LTK: variants seen among roughly 807,000 people sequenced by gnomAD.
The protein encoded by LTK is leukocyte receptor tyrosine kinase.
Under a neutral mutation model 101.5 loss-of-function variants are expected in LTK, and 117 were observed. The ratio of observed to expected loss-of-function variants is 1.15; its 90% CI spans 0.99 to 1.34. The LOEUF is 1.34. Among genes scored for constraint, LTK ranks in the 40% most tolerant of loss-of-function variants. LTK has a pLI of 0.00. For missense variants in LTK, 1,252 were observed against 1,164.7 expected (o/e 1.07, Z -1.09); for synonymous variants, 563 against 494.2 (o/e 1.14, Z -1.85).
Position 41,504,333 on chromosome 15 carries a change from G to A in LTK, c.2346+9C>T. 6.2e-7 allele frequency: 1 copy of A among 1,613,998 alleles called. No homozygotes were observed. Among genetic ancestry groups the A allele is most frequent in the Non-Finnish European group, 8.5e-7 (1 of 1,179,956 alleles). ...AAGACCAGGATGTTAGATTAGGTCGGGGGCACACCTGAGTGCAGTACTGCA... is the reference window on the plus strand; with the variant it reads ...AAGACCAGGATGTTAGATTAGGTCGAGGGCACACCTGAGTGCAGTACTGCA... On this transcript the variant is annotated intron_variant, in intron 19 of 19. Transcript: ENST00000263800.
rs1366893186 is a variant in LTK, at chr15:41,511,227, C to T, written c.934G>A (p.Ala312Thr). Residue 312 changes from alanine (A) to threonine (T), a missense_variant, in exon 7 of 20, where the codon GCC becomes ACC. By Grantham distance (58) the Ala-to-Thr change is moderately conservative. Transcript: ENST00000263800. This position sits in a 1 kb window ranked among gnomAD's most constrained non-coding sequence, Gnocchi z 5.9. The stretch of plus-strand genomic sequence containing the variant: ...CCGCCGCCGCCCCCGAAGCCGCCGG[C>T]CGCGGCCCAGCCAAGGGTCGCCCAA... ...EAWATLGWAA[A>T]GGFGGGGGAC... 1 of 1,402,434 alleles carries T rather than the reference C, an allele frequency of 7.1e-7. No individual in the cohort carries two copies. Among genetic ancestry groups the T allele is most frequent in the Non-Finnish European group, 9.2e-7 (1 of 1,082,280 alleles). The allele number at this position is 1,402,434 out of a possible 1,614,324, so 86.9% of individuals were successfully genotyped here.
At chr15:41,509,286 G>C (rs1055923862) in intron 7 of LTK, among the ~76,000 whole-genome samples, 157 bp from the exon 8 acceptor site, 1 of 152,136 alleles carries the variant, frequency 6.6e-6, no homozygotes, top group African/African-American at 2.4e-5. Context: ...GGTGAGGAGG[G>C]GGTAATCAGC....
intron 12 of LTK, 21 bp downstream of exon 12, chr15:41,505,894 C>A: frequency 6.2e-7 from 1 of 1,609,102 alleles, no homozygotes; most frequent in Non-Finnish European, 8.5e-7. Flanking sequence ...TACCCCCAGC[C>A]AGAAGTCCCA....
At chr15:41,509,715 C>T (rs1000522184) in intron 7 of LTK, among the ~76,000 whole-genome samples, 3 of 151,752 alleles carry the variant, frequency 2.0e-5, no homozygotes, top group African/African-American at 4.8e-5. Context: ...AAAAATTAGC[C>T]GGGCATGGTG....
intron 10 of LTK, 27 bp downstream of exon 10, chr15:41,507,535 C>T (rs2140710334): frequency 6.2e-7 from 1 of 1,609,950 alleles, no homozygotes; most frequent in East Asian, 2.2e-5. Context: ...AGCCTTGAAT[C>T]AACTGTGCCT....
chr15:41,504,374 T>C lies in LTK; in HGVS notation c.2314A>G (p.Ser772Gly). 2 of 1,614,154 alleles carry C rather than the reference T, an allele frequency of 1.2e-6. No individual in the cohort carries two copies. Among genetic ancestry groups the C allele is most frequent in the Non-Finnish European group, 1.7e-6 (2 of 1,180,006 alleles). ...CAGTACTGCAGACGCTCCAAGATGC[T>C]GGCAAAGCTAGGGCGGAGCTCAGGC... ...HEPELRPSFA[S>G]ILERLQYCTQ... The change falls in exon 19 of 20, where the codon AGC becomes GGC. Residue 772 changes from serine (S) to glycine (G), a missense_variant. By Grantham distance (56) the Ser-to-Gly change is moderately conservative. Coordinates refer to ENST00000263800, the MANE Select transcript of LTK (RefSeq NM_002344.6).
chr15:41,511,542 C>A lies in LTK; in HGVS notation c.694G>T (p.Ala232Ser). The A allele has an allele frequency of 6.9e-7, 1 of 1,456,228 alleles. No individual in the cohort carries two copies. Among genetic ancestry groups the A allele is most frequent in the Non-Finnish European group, 9.0e-7 (1 of 1,116,910 alleles). The allele number at this position is 1,456,228 out of a possible 1,614,324, so 90.2% of individuals were successfully genotyped here. A position where few individuals can be genotyped will look rare whatever the true frequency, so the allele number is the denominator to read the frequency against. The change falls in exon 6 of 20, where the codon GCC (alanine) becomes TCC (serine). Residue 232 changes from alanine (A) to serine (S), a missense_variant. Ala to Ser is a moderately conservative substitution (Grantham distance 99). Transcript: ENST00000263800. This position sits in a 1 kb window ranked among gnomAD's most constrained non-coding sequence, Gnocchi z 5.9. ...AGELEPLLVAAGGGGRAYLRP... is the reference protein window; with the variant it reads ...AGELEPLLVASGGGGRAYLRP... ...AGGTAGGCCCGACCGCCGCCTCCGG[C>A]CGCCACCAGCAACGGTTCCAGCTCG...
chr15:41,512,356 T>G, intron 3 of LTK, 91 bp from the exon 4 acceptor site: 1 of 1,381,788 alleles, frequency 7.2e-7, no homozygotes, highest in Non-Finnish European at 9.8e-7. Context: ...TCCAGAATTA[T>G]TTTTTATCTG....
chr15:41,504,000 G>A lies in LTK; in HGVS notation c.2591C>T (p.Ser864Phe). Reference sequence around the variant, plus strand: ...ACCCTCAGGGCCCCTTGGGGCTCAGGAGCGATAAGTGGGATTCCAAAGGTT... The same window carrying A: ...ACCCTCAGGGCCCCTTGGGGCTCAGAAGCGATAAGTGGGATTCCAAAGGTT... The part of the protein sequence containing the change: ...PQNLWNPTYR[S>F] Residue 864 changes from serine (S) to phenylalanine (F), a missense_variant, in exon 20 of 20, where the codon TCC (serine) becomes TTC (phenylalanine). Physicochemically the swap from Ser to Phe is radical, Grantham distance 155. Coordinates refer to ENST00000263800, the MANE Select transcript of LTK (RefSeq NM_002344.6). 1 of 1,601,128 alleles carries A rather than the reference G, an allele frequency of 6.2e-7. No individual in the cohort carries two copies. Among genetic ancestry groups the A allele is most frequent in the Non-Finnish European group, 8.5e-7 (1 of 1,173,894 alleles).
In LTK at chr15:41,511,250, C is replaced by CA; in HGVS notation, c.910dup (p.Trp304LeufsTer37). The CA allele has an allele frequency of 7.0e-7, 1 of 1,426,172 alleles. No individual in the cohort carries two copies. The highest frequency in any genetic ancestry group is 9.1e-7 in the Non-Finnish European group (1 of 1,093,930). The allele number at this position is 1,426,172 out of a possible 1,614,324, so 88.3% of individuals were successfully genotyped here. A position where few individuals can be genotyped will look rare whatever the true frequency, so the allele number is the denominator to read the frequency against. On this transcript the variant is annotated frameshift_variant, in exon 7 of 20. Coordinates refer to ENST00000263800, the MANE Select transcript of LTK (RefSeq NM_002344.6). LOFTEE classifies it high-confidence loss of function. The surrounding 1 kb of genome is among the most constrained non-coding windows in gnomAD (Gnocchi z 5.9). ...GGCCGCGGCCCAGCCAAGGGTCGCC[C>CA]AAGCCTCGGAGCAGCCCTGGCCGCC...
Position 41,504,606 on chromosome 15 carries a change from G to A in LTK, c.2155C>T (p.Leu719=). 6.2e-7 allele frequency: 1 copy of A among 1,613,668 alleles called. No homozygotes were observed. Among genetic ancestry groups the A allele is most frequent in the Non-Finnish European group, 8.5e-7 (1 of 1,179,976 alleles). Residue 719 remains leucine (L), a synonymous_variant, in exon 18 of 20, where the codon CTG becomes TTG. Transcript: ENST00000263800. ...CGCCCAGGATAGGGCATGTAGCCCA[G>A]TGAGAAGATCTCCCAGAGCAGCACC... is the stretch of plus-strand genomic sequence containing the variant. ...FGVLLWEIFS[L]GYMPYPGRTN...
chr15:41,505,759 A>C lies in LTK; in HGVS notation c.1651T>G (p.Ser551Ala). Residue 551 changes from serine to alanine, a missense_variant, in exon 13 of 20, where the codon TCG (serine) becomes GCG (alanine). Coordinates refer to ENST00000263800, the MANE Select transcript of LTK (RefSeq NM_002344.6). ...AGGAAATCCAGCTCATCCTGAGGCG[A>C]GCAGAGTTCTGGCAGGGTCTGGGGA... Reference protein sequence around the residue: ...VAIKTLPELCSPQDELDFLME... With the variant: ...VAIKTLPELCAPQDELDFLME... 1 of 1,613,910 alleles carries C rather than the reference A, an allele frequency of 6.2e-7. No homozygotes were observed. Among genetic ancestry groups the C allele is most frequent in the Non-Finnish European group, 8.5e-7 (1 of 1,179,946 alleles).
intron 7 of LTK, among the ~76,000 whole-genome samples, chr15:41,509,382 C>T: frequency 6.6e-6 from 1 of 152,178 alleles, no homozygotes; most frequent in East Asian, 1.9e-4. Flanking sequence ...CAGTCCCTTT[C>T]TGTGAGAATG....
At position 41,504,097 on chromosome 15, in the gene LTK, C is replaced by G; in HGVS notation, c.2494G>C (p.Gly832Arg). The G allele has an allele frequency of 2.5e-6, 4 of 1,614,106 alleles. No homozygotes were observed. Among genetic ancestry groups the G allele is most frequent in the Non-Finnish European group, 3.4e-6 (4 of 1,180,028 alleles). ...ELSPEKLKSWGGSPLGPWLSS... is the reference protein window; with the variant it reads ...ELSPEKLKSWRGSPLGPWLSS... ...AGCCAGGGGCCAAGAGGGCTACCTC[C>G]CCAGCTTTTCAACTTCTCTGGACTC... The change falls in exon 20 of 20, where the codon GGA becomes CGA. Residue 832 changes from glycine to arginine, a missense_variant. By Grantham distance (125) the Gly-to-Arg change is moderately radical. Coordinates refer to ENST00000263800, the MANE Select transcript of LTK (RefSeq NM_002344.6).
Position 41,507,670 on chromosome 15 carries a change from A to C in LTK, c.1250-13T>G. ...GGCTTGTGCAGGTCTAGGGAGAAAG[A>C]GAGACACCTCCAGTGGGAAGGTCTT... On this transcript the variant is annotated splice_polypyrimidine_tract_variant and intron_variant, in intron 9 of 19. Coordinates refer to ENST00000263800, the MANE Select transcript of LTK (RefSeq NM_002344.6). The C allele has an allele frequency of 6.2e-7, 1 of 1,610,286 alleles. No individual in the cohort carries two copies. Among genetic ancestry groups the C allele is most frequent in the Admixed American group, 1.7e-5 (1 of 59,556 alleles).
At position 41,511,556 on chromosome 15, in the gene LTK, G is replaced by A. The variant is rs55739813; in HGVS notation, c.680C>T (p.Pro227Leu). The A allele has an allele frequency of 0.057, 83,089 of 1,450,918 alleles. 2,612 individuals are homozygous for A. The highest frequency in any genetic ancestry group is 0.072 in the Admixed American group (2,521 of 35,080). 89.9% of individuals were successfully genotyped at this position (1,450,918 alleles called of 1,614,324 possible). Residue 227 changes from proline to leucine, a missense_variant, in exon 6 of 20, where the codon CCG (proline) becomes CTG (leucine). Pro to Leu is a moderately conservative substitution (Grantham distance 98). Coordinates refer to ENST00000263800, the MANE Select transcript of LTK (RefSeq NM_002344.6). The surrounding 1 kb of genome is among the most constrained non-coding windows in gnomAD (Gnocchi z 5.9). ...VFRVRAGELE[P>L]LLVAAGGGGR... ...GCCGCCTCCGGCCGCCACCAGCAAC[G>A]GTTCCAGCTCGCCAGCGCGCACCTG...
At position 41,507,293 on chromosome 15, in the gene LTK, G is replaced by A. The variant is rs752097681; in HGVS notation, c.1346-3C>T. ...GCCCTGCCACTTCTTCTGCTTCACT[G>A]GGGGTGGGAAGAATAACGGCACACC... On this transcript the variant is annotated splice_polypyrimidine_tract_variant and splice_region_variant and intron_variant, in intron 10 of 19. Coordinates refer to ENST00000263800, the MANE Select transcript of LTK (RefSeq NM_002344.6). The A allele has an allele frequency of 1.9e-6, 3 of 1,591,560 alleles. No homozygotes were observed. In the East Asian group the frequency reaches 6.7e-5, roughly 36 times the overall value.
intron 11 of LTK, among the ~76,000 whole-genome samples, chr15:41,506,746 AT>A (rs1405377457): frequency 6.6e-6 from 1 of 151,330 alleles, no homozygotes; most frequent in Non-Finnish European, 1.5e-5. Flanking sequence ...ATGCGCCACC[AT>A]GCCCAGCTAA....
In LTK at chr15:41,504,099, C is replaced by T; in HGVS notation, c.2492G>A (p.Trp831Ter). Residue 831 changes from tryptophan to a stop codon, truncating the protein, a stop_gained, in exon 20 of 20, where the codon TGG becomes TAG. Transcript: ENST00000263800. LOFTEE classifies it low-confidence loss of function (END_TRUNC). ...QELSPEKLKSWGGSPLGPWLS... is the reference protein window; with the variant it reads ...QELSPEKLKS ...CCAGGGGCCAAGAGGGCTACCTCCC[C>T]AGCTTTTCAACTTCTCTGGACTCAG... is the stretch of plus-strand genomic sequence containing the variant. 1 of 1,614,124 alleles carries T rather than the reference C, an allele frequency of 6.2e-7. No individual in the cohort carries two copies.
Sources: allele counts gnomAD v4.1 joint callset (sites outside exome capture counted in the v4.1 genomes callset), GRCh38; gene constraint gnomAD v4.1.1; non-coding constraint Gnocchi (gnomAD v3.1); transcripts MANE v1.5; gene names NCBI Gene and HGNC (gene_info 2026-07-23, HGNC 2026-07-21).